The following INVS variants were observed in gnomAD, a reference collection of about 807,000 sequenced individuals.
INVS encodes the protein inversin.
INVS carries 86 observed loss-of-function variants against 108.8 expected under a neutral mutation model. The ratio of observed to expected loss-of-function variants is 0.79; its 90% confidence interval spans 0.66 to 0.95. The LOEUF (loss-of-function observed/expected upper bound fraction) is 0.95, where lower values mean the gene tolerates loss of function less well. Among genes scored for constraint, INVS ranks in the 40% least tolerant of loss-of-function variants. The pLI, the probability that INVS is intolerant of heterozygous loss-of-function variation, is 0.00. For missense variants in INVS, 1,169 were observed against 1,297.4 expected (o/e 0.90, Z 1.52); for synonymous variants, 455 against 473.5 (o/e 0.96, Z 0.51).
chr9:100,266,384 G>A lies in INVS; in HGVS notation c.1571+1456G>A, dbSNP rs184439299. Among the ~76,000 whole-genome samples, 18 of 152,246 alleles carry A rather than the reference G, an allele frequency of 1.2e-4. No homozygotes were observed. In the East Asian group the frequency reaches 2.5e-3, roughly 21 times the overall value. ...CAGCCTTGAGGGCTGCTGGTTACCC[G>A]TTTTCTTATGGTTATTTTTTGATGA... On this transcript the variant is annotated intron_variant, in intron 11 of 16. Coordinates refer to ENST00000262457, the MANE Select transcript of INVS (RefSeq NM_014425.5).
intron 3 of INVS, among the ~76,000 whole-genome samples, chr9:100,162,798 G>T (rs963520745): frequency 1.3e-4 from 19 of 151,286 alleles, no homozygotes; most frequent in Middle Eastern, 3.4e-3. Flanking sequence ...CTGCACTCCA[G>T]CCTGGGTGAC....
In INVS at chr9:100,264,838, AT is replaced by A; in HGVS notation, c.1483del (p.Trp495GlyfsTer15). 6.2e-7 allele frequency: 1 copy of A among 1,613,226 alleles called. No individual in the cohort carries two copies. The highest frequency in any genetic ancestry group is 1.3e-5 in the African/African-American group (1 of 74,960). On this transcript the variant is annotated frameshift_variant, in exon 11 of 17. Coordinates refer to ENST00000262457, the MANE Select transcript of INVS (RefSeq NM_014425.5). LOFTEE classifies it high-confidence loss of function. Reference protein sequence around the residue: ...IQDKEGRTALHWSCNNGYLDA... With the variant: ...IQDKEGRTALXWSCNNGYLDA... ...TGCTTATAGGGAAGAACAGCTTTGC[AT>A]TGGTCCTGCAACAATGGATACCTTG...
chr9:100,293,585 G>A (rs2118767488), intron 14 of INVS, among the ~76,000 whole-genome samples: 1 of 152,318 alleles, frequency 6.6e-6, no homozygotes, highest in South Asian at 2.1e-4. Context: ...CAGATTGAGT[G>A]ACTAAACTGT....
intron 10 of INVS, among the ~76,000 whole-genome samples, chr9:100,253,705 G>A (rs1434375563): frequency 2.0e-5 from 3 of 151,988 alleles, no homozygotes; most frequent in Admixed American, 6.6e-5. Flanking sequence ...GAGAATGATG[G>A]TTTCCAGCTT....
intron 11 of INVS, among the ~76,000 whole-genome samples, chr9:100,267,560 T>C (rs1032089116): frequency 1.3e-5 from 2 of 152,262 alleles, no homozygotes; most frequent in African/African-American, 4.8e-5. Flanking sequence ...TTCTCATACA[T>C]TGACACTAGT....
chr9:100,271,892 G>A (rs913186366), intron 11 of INVS, among the ~76,000 whole-genome samples: 5 of 149,518 alleles, frequency 3.3e-5, no homozygotes, highest in South Asian at 2.1e-4. Context: ...TTTTGGAGAC[G>A]GTGTCTCACT....
At position 100,300,565 on chromosome 9, in the gene INVS, C is replaced by G. The variant is rs1833936050; in HGVS notation, c.3092-3C>G. On this transcript the variant is annotated splice_region_variant and splice_polypyrimidine_tract_variant and intron_variant, in intron 16 of 16. Transcript: ENST00000262457. Reference sequence around the variant, plus strand: ...ATATCTATCTGGTATTTGTTTTTAACAGTGAGCAACCTACAGTGTATACAT... The same window carrying G: ...ATATCTATCTGGTATTTGTTTTTAAGAGTGAGCAACCTACAGTGTATACAT... 6.3e-7 allele frequency: 1 copy of G among 1,588,980 alleles called. No individual in the cohort carries two copies. The highest frequency in any genetic ancestry group is 1.3e-5 in the African/African-American group (1 of 74,500).
At chr9:100,174,163 A>T (rs1364998609) in intron 3 of INVS, among the ~76,000 whole-genome samples, 6 of 152,242 alleles carry the variant, frequency 3.9e-5, no homozygotes. Flanking sequence ...TTTAATGAGC[A>T]GACAAGGAAT....
At chr9:100,259,939 T>C (rs1296330506) in intron 10 of INVS, among the ~76,000 whole-genome samples, 1 of 152,028 alleles carries the variant, frequency 6.6e-6, no homozygotes, top group East Asian at 1.9e-4. Flanking sequence ...TGGCACCATC[T>C]CTGCCCATTG....
At chr9:100,250,650 T>A (rs1832201699) in intron 8 of INVS, among the ~76,000 whole-genome samples, 1 of 152,156 alleles carries the variant, frequency 6.6e-6, no homozygotes, top group African/African-American at 2.4e-5. Context: ...AATCATTCTG[T>A]TTCTCTTCAT....
At chr9:100,268,718 ATAT>A (rs1832864978) in intron 11 of INVS, among the ~76,000 whole-genome samples, 2 of 152,044 alleles carry the variant, frequency 1.3e-5, no homozygotes, top group Non-Finnish European at 2.9e-5. Context: ...TAATAAAAAT[ATAT>A]TTTTTTACAT....
chr9:100,208,434 G>A (rs538230251), intron 3 of INVS, among the ~76,000 whole-genome samples: 5 of 152,280 alleles, frequency 3.3e-5, no homozygotes, highest in South Asian at 4.1e-4. Flanking sequence ...TTACACATTT[G>A]TCTGTATATT....
chr9:100,133,794 CACACACACACAT>C (rs1214131956), intron 3 of INVS, among the ~76,000 whole-genome samples: 4 of 151,456 alleles, frequency 2.6e-5, no homozygotes, highest in Admixed American at 6.6e-5. Context: ...CACACACACA[CACACACACACAT>C]ACACACATCC....
chr9:100,166,986 T>C (rs1031154018), intron 3 of INVS, among the ~76,000 whole-genome samples: 1 of 152,202 alleles, frequency 6.6e-6, no homozygotes, highest in African/African-American at 2.4e-5. Flanking sequence ...ACACCAGCAC[T>C]TTGGGAAACC....
intron 2 of INVS, among the ~76,000 whole-genome samples, chr9:100,111,657 C>T (rs1270812405): frequency 1.3e-5 from 2 of 152,252 alleles, no homozygotes; most frequent in East Asian, 3.8e-4. Flanking sequence ...TAGTTTACAT[C>T]ATAAGCTCTA....
intron 3 of INVS, among the ~76,000 whole-genome samples, chr9:100,206,502 A>T (rs905209752): frequency 1.3e-5 from 2 of 151,988 alleles, no homozygotes; most frequent in Non-Finnish European, 2.9e-5. Context: ...CCTTCTCTCT[A>T]CTTTGCCTTG....
intron 3 of INVS, among the ~76,000 whole-genome samples, chr9:100,147,662 G>A (rs143938418): frequency 2.0e-3 from 311 of 152,074 alleles, no homozygotes; most frequent in African/African-American, 7.1e-3. Flanking sequence ...TTTTATGGCA[G>A]CAATATTTAC....
At chr9:100,200,372 G>A (rs1309811398) in intron 3 of INVS, among the ~76,000 whole-genome samples, 1 of 152,148 alleles carries the variant, frequency 6.6e-6, no homozygotes, top group African/African-American at 2.4e-5. Flanking sequence ...AGCATACTCA[G>A]AATTGTGGAT....
chr9:100,127,177 C>T (rs1007573576), intron 3 of INVS, among the ~76,000 whole-genome samples: 14 of 151,938 alleles, frequency 9.2e-5, no homozygotes, highest in African/African-American at 3.4e-4. Context: ...TCCTGAGTGA[C>T]AGGGCAAGAC....
Sources: allele counts gnomAD v4.1 joint callset (sites outside exome capture counted in the v4.1 genomes callset), GRCh38; gene constraint gnomAD v4.1.1; transcripts MANE v1.5; gene names NCBI Gene and HGNC (gene_info 2026-07-23, HGNC 2026-07-21).